CIRSR: variants seen among roughly 807,000 people sequenced by gnomAD.
The protein encoded by CIRSR is corepressor of RBPJ and splicing regulator, also known as CBF1 (RBPJ) interacting corepressor 1.
At chr2:174,393,449 G>A in the CIRSR span, among the ~76,000 whole-genome samples, 3 of 151,734 alleles carry the variant, frequency 2.0e-5, no homozygotes, top group Non-Finnish European at 4.4e-5. Flanking sequence ...AACAAACAAG[G>A]AAAAAAAGAA....
the CIRSR span, among the ~76,000 whole-genome samples, chr2:174,350,913 C>T: frequency 6.6e-6 from 1 of 151,962 alleles, no homozygotes; most frequent in African/African-American, 2.4e-5. Flanking sequence ...TTGTAGTCTC[C>T]CTGCCGAAGT....
At chr2:174,366,107 G>A in the CIRSR span, among the ~76,000 whole-genome samples, 9 of 152,188 alleles carry the variant, frequency 5.9e-5, no homozygotes, top group Admixed American at 2.0e-4. Flanking sequence ...TGCCTTTGAC[G>A]GGCTCCTCAG....
At chr2:174,384,766 T>C in the CIRSR span, among the ~76,000 whole-genome samples, 3 of 152,100 alleles carry the variant, frequency 2.0e-5, no homozygotes, top group East Asian at 3.8e-4. Flanking sequence ...AACTAAAAGA[T>C]TGTTTTCCAC....
chr2:174,360,583 T>C, the CIRSR span, among the ~76,000 whole-genome samples: 4 of 152,134 alleles, frequency 2.6e-5, no homozygotes, highest in Non-Finnish European at 4.4e-5. Flanking sequence ...AGACCTTGAG[T>C]AGATGAAATG....
chr2:174,366,644 T>C, the CIRSR span, among the ~76,000 whole-genome samples: 1 of 152,300 alleles, frequency 6.6e-6, no homozygotes, highest in African/African-American at 2.4e-5. Context: ...GTTTGTAAAA[T>C]ACAATCTTTT....
the CIRSR span, chr2:174,380,735 AT>A: frequency 9.9e-6 from 16 of 1,610,386 alleles, no homozygotes; most frequent in South Asian, 1.3e-4. Context: ...TTCATTGAAA[AT>A]TCTTTTAATT....
the CIRSR span, among the ~76,000 whole-genome samples, chr2:174,353,755 C>T: frequency 6.6e-6 from 1 of 152,098 alleles, no homozygotes; most frequent in Non-Finnish European, 1.5e-5. Flanking sequence ...CGTGAGCCAC[C>T]GCGCCCGGCT....
the CIRSR span, among the ~76,000 whole-genome samples, chr2:174,386,076 TCACCTC>T: frequency 6.6e-6 from 1 of 152,234 alleles, no homozygotes; most frequent in African/African-American, 2.4e-5. Flanking sequence ...ACCTAGTTTT[TCACCTC>T]CACTCTGTTT....
chr2:174,354,504 A>T, the CIRSR span, among the ~76,000 whole-genome samples: 5 of 17,678 alleles, frequency 2.8e-4, no homozygotes, highest in East Asian at 0.011. Flanking sequence ...AAATTATATT[A>T]TATATATCAT....
At chr2:174,356,605 A>AGGAAG in the CIRSR span, among the ~76,000 whole-genome samples, 9 of 150,252 alleles carry the variant, frequency 6.0e-5, no homozygotes, top group Non-Finnish European at 1.2e-4. Flanking sequence ...GAGGGAGGGA[A>AGGAAG]GAAGGAAGGA....
chr2:174,355,766 A>G, the CIRSR span, among the ~76,000 whole-genome samples: 1 of 152,226 alleles, frequency 6.6e-6, no homozygotes, highest in African/African-American at 2.4e-5. Context: ...CCTGTTGTAA[A>G]ATAGGTATTT....
the CIRSR span, among the ~76,000 whole-genome samples, chr2:174,381,522 G>A: frequency 7.9e-5 from 12 of 152,026 alleles, no homozygotes; most frequent in South Asian, 2.1e-4. Context: ...GCGTGGTGGC[G>A]TGCTCCTGTA....
At chr2:174,383,770 C>T in the CIRSR span, among the ~76,000 whole-genome samples, 19 of 146,008 alleles carry the variant, frequency 1.3e-4, no homozygotes, top group African/African-American at 4.3e-4. Flanking sequence ...AAGCCAAGCT[C>T]GGTATCACTA....
the CIRSR span, among the ~76,000 whole-genome samples, chr2:174,360,853 T>C: frequency 3.9e-5 from 6 of 152,322 alleles, no homozygotes; most frequent in Non-Finnish European, 7.3e-5. Flanking sequence ...TAACCATTGG[T>C]AATACCTAAA....
At chr2:174,377,816 C>A in the CIRSR span, among the ~76,000 whole-genome samples, 3 of 99,878 alleles carry the variant, frequency 3.0e-5, no homozygotes, top group East Asian at 7.7e-4. Context: ...CAGAGCCAGA[C>A]GCCATCTCAA....
chr2:174,350,412 C>G, the CIRSR span, among the ~76,000 whole-genome samples: 1 of 152,134 alleles, frequency 6.6e-6, no homozygotes, highest in Non-Finnish European at 1.5e-5. Context: ...ATAAATAAGT[C>G]TAATTCTAAA....
chr2:174,367,052 A>G, the CIRSR span, among the ~76,000 whole-genome samples: 1 of 152,236 alleles, frequency 6.6e-6, no homozygotes, highest in Admixed American at 6.5e-5. Flanking sequence ...AAAGGAAACA[A>G]AAAATTAGGG....
At chr2:174,381,660 A>G in the CIRSR span, 1 of 1,378,220 alleles carries the variant, frequency 7.3e-7, no homozygotes, top group Non-Finnish European at 9.9e-7. Flanking sequence ...GTGCCTCAGA[A>G]AAAAAAAAAA....
At chr2:174,379,027 CTCACA>C in the CIRSR span, 1 of 1,612,190 alleles carries the variant, frequency 6.2e-7, no homozygotes. Flanking sequence ...TTTAATGCAC[CTCACA>C]TTTCGAACCT....
Sources: allele counts gnomAD v4.1 joint callset (sites outside exome capture counted in the v4.1 genomes callset), GRCh38; gene constraint gnomAD v4.1.1; transcripts MANE v1.5; gene names NCBI Gene and HGNC (gene_info 2026-07-23, HGNC 2026-07-21).